Variants in ADAM23 observed in about 807,000 individuals in gnomAD.
ADAM23 encodes the protein ADAM metallopeptidase domain 23.
Under a neutral mutation model 120.1 loss-of-function variants are expected in ADAM23, and 33 were observed. The observed-to-expected ratio is 0.27, with a 90% CI of 0.21 to 0.37. The LOEUF is 0.37. Ranked by LOEUF, ADAM23 falls within the 10% of genes least tolerant of loss-of-function variation. The pLI, the probability that ADAM23 is intolerant of heterozygous loss-of-function variation, is 1.00. For synonymous variants in ADAM23, 367 were observed against 375.2 expected (o/e 0.98, Z 0.25); for missense variants, 862 against 1,058.2 (o/e 0.81, Z 2.57).
intron 3 of ADAM23, among the ~76,000 whole-genome samples, chr2:206,520,697 G>A (rs899723911): frequency 6.6e-6 from 1 of 151,952 alleles, no homozygotes; most frequent in African/African-American, 2.4e-5. Flanking sequence ...GGCTCTAATT[G>A]ACCCAGTAAA....
chr2:206,464,105 G>C (rs1183369961), intron 2 of ADAM23, among the ~76,000 whole-genome samples: 1 of 152,144 alleles, frequency 6.6e-6, no homozygotes, highest in Non-Finnish European at 1.5e-5. Context: ...TAAACCTGTA[G>C]TTTAATTTGG....
In ADAM23 at chr2:206,542,090, C is replaced by G; in HGVS notation, c.612C>G (p.Gly204=). The G allele has an allele frequency of 6.2e-7, 1 of 1,614,154 alleles. No individual in the cohort carries two copies. Among genetic ancestry groups the G allele is most frequent in the Non-Finnish European group, 8.5e-7 (1 of 1,180,004 alleles). The change falls in exon 5 of 26, where the codon GGC becomes GGG. Residue 204 remains glycine (G), a synonymous_variant. Coordinates refer to ENST00000264377, the MANE Select transcript of ADAM23 (RefSeq NM_003812.4). Reference sequence around the variant, plus strand: ...GTTACTACCATGGAAGCATCAGAGGCGTCAAAGACTCCAAGGTGGCTCTGT... The same window carrying G: ...GTTACTACCATGGAAGCATCAGAGGGGTCAAAGACTCCAAGGTGGCTCTGT... ...EHCYYHGSIR[G]VKDSKVALST...
intron 24 of ADAM23, among the ~76,000 whole-genome samples, chr2:206,603,361 G>A (rs1227513611): frequency 6.6e-6 from 1 of 152,110 alleles, no homozygotes; most frequent in East Asian, 1.9e-4. Flanking sequence ...ACTCTCTAAA[G>A]GAAGAGAACA....
At chr2:206,612,712 C>T (rs1451665098) in intron 25 of ADAM23, among the ~76,000 whole-genome samples, 1 of 152,184 alleles carries the variant, frequency 6.6e-6, no homozygotes, top group Admixed American at 6.5e-5. Flanking sequence ...TAAGCCCTGA[C>T]CTTGTCTGCC....
chr2:206,499,662 TA>T (rs1161442507), intron 3 of ADAM23, among the ~76,000 whole-genome samples: 3 of 151,792 alleles, frequency 2.0e-5, no homozygotes, highest in South Asian at 4.2e-4. Flanking sequence ...ATAAATAAAA[TA>T]AAAAAAATTT....
intron 3 of ADAM23, among the ~76,000 whole-genome samples, chr2:206,493,472 A>G (rs1696173799): frequency 6.6e-6 from 1 of 152,216 alleles, no homozygotes; most frequent in Non-Finnish European, 1.5e-5. Flanking sequence ...TCCCAGGTTC[A>G]AGCAATTCTC....
chr2:206,573,322 A>G (rs1467887073), intron 18 of ADAM23, 127 bp downstream of exon 18: 4 of 858,698 alleles, frequency 4.7e-6, no homozygotes, highest in Non-Finnish European at 7.7e-6. Flanking sequence ...TTGCATATTC[A>G]TAATGAGATA....
At chr2:206,597,127 A>G (rs1398338470) in intron 24 of ADAM23, among the ~76,000 whole-genome samples, 1 of 147,606 alleles carries the variant, frequency 6.8e-6, no homozygotes, top group African/African-American at 2.5e-5. Context: ...TGGCCTCTCA[A>G]AGTTCTGGGA....
At chr2:206,536,085 T>C (rs1222317928) in intron 4 of ADAM23, among the ~76,000 whole-genome samples, 2 of 152,242 alleles carry the variant, frequency 1.3e-5, no homozygotes, top group Non-Finnish European at 2.9e-5. Flanking sequence ...TCACATATGC[T>C]CATGAATAAG....
Position 206,560,125 on chromosome 2 carries a change from A to G in ADAM23, c.1169+7A>G. 1.9e-6 allele frequency: 3 copies of G among 1,611,044 alleles called. No individual in the cohort carries two copies. The highest frequency in any genetic ancestry group is 2.7e-5 in the African/African-American group (2 of 74,978). On this transcript the variant is annotated splice_region_variant and intron_variant, in intron 11 of 25. Transcript: ENST00000264377. The stretch of plus-strand genomic sequence containing the variant: ...ATGCTGTGCACCTCATCTCGTACGT[A>G]CTCATTTCAGCCTTTAGTGTAGTCT...
At chr2:206,501,856 C>T (rs1216708918) in intron 3 of ADAM23, among the ~76,000 whole-genome samples, 1 of 152,054 alleles carries the variant, frequency 6.6e-6, no homozygotes, top group Admixed American at 6.6e-5. Context: ...AATATAAAAC[C>T]AATGTGTTAA....
chr2:206,497,908 T>C (rs1475370876), intron 3 of ADAM23, among the ~76,000 whole-genome samples: 1 of 152,080 alleles, frequency 6.6e-6, no homozygotes, highest in East Asian at 1.9e-4. Flanking sequence ...TCACAATTGC[T>C]TCAAAGAGAA....
At chr2:206,529,638 A>G (rs960941385) in intron 3 of ADAM23, among the ~76,000 whole-genome samples, 17 of 152,114 alleles carry the variant, frequency 1.1e-4, no homozygotes, top group East Asian at 1.9e-4. Context: ...GCCTCAAACA[A>G]TTCTTTGCCT....
chr2:206,532,569 G>T (rs900590947), intron 4 of ADAM23, among the ~76,000 whole-genome samples: 1 of 151,918 alleles, frequency 6.6e-6, no homozygotes, highest in East Asian at 1.9e-4. Flanking sequence ...AAACTTACGT[G>T]CTTCATAGAT....
chr2:206,509,316 G>C (rs564766171), intron 3 of ADAM23, among the ~76,000 whole-genome samples: 29 of 152,244 alleles, frequency 1.9e-4, no homozygotes, highest in Middle Eastern at 3.4e-3. Flanking sequence ...TATGTATACT[G>C]ATAGAAGGCT....
intron 8 of ADAM23, among the ~76,000 whole-genome samples, chr2:206,548,983 G>C (rs1697458241): frequency 6.6e-6 from 1 of 151,856 alleles, no homozygotes; most frequent in Admixed American, 6.6e-5. Flanking sequence ...TTATGTTTCT[G>C]GTCTTTTCAT....
At chr2:206,549,887 T>C (rs1178149683) in intron 8 of ADAM23, among the ~76,000 whole-genome samples, 2 of 152,110 alleles carry the variant, frequency 1.3e-5, no homozygotes, top group Non-Finnish European at 2.9e-5. Flanking sequence ...GATAATAAAA[T>C]ACAGTTATTT....
At chr2:206,524,647 A>G (rs942005177) in intron 3 of ADAM23, among the ~76,000 whole-genome samples, 4 of 152,236 alleles carry the variant, frequency 2.6e-5, no homozygotes, top group Non-Finnish European at 5.9e-5. Flanking sequence ...GACAAGAGAG[A>G]ATGCGAGTCA....
intron 3 of ADAM23, among the ~76,000 whole-genome samples, chr2:206,501,482 A>G (rs543475023): frequency 7.2e-4 from 110 of 152,160 alleles, no homozygotes; most frequent in Middle Eastern, 3.4e-3. Context: ...TGACATTGCT[A>G]TTGTCCCAAA....
Sources: allele counts gnomAD v4.1 joint callset (sites outside exome capture counted in the v4.1 genomes callset), GRCh38; gene constraint gnomAD v4.1.1; transcripts MANE v1.5; gene names NCBI Gene and HGNC (gene_info 2026-07-23, HGNC 2026-07-21).